Variants in DPP10 observed in about 807,000 individuals in gnomAD.
DPP10 encodes the protein dipeptidyl peptidase like 10.
A neutral mutation model predicts 120.9 loss-of-function variants in DPP10; 33 were observed. The observed-to-expected ratio is 0.27, with a 90% CI of 0.21 to 0.37. The LOEUF (loss-of-function observed/expected upper bound fraction) is 0.37, where lower values mean the gene tolerates loss of function less well. Among genes scored for constraint, DPP10 ranks in the 10% least tolerant of loss-of-function variants. The pLI, the probability that DPP10 is intolerant of heterozygous loss-of-function variation, is 1.00. For missense variants in DPP10, 816 were observed against 942.8 expected (o/e 0.87, Z 1.76); for synonymous variants, 337 against 326.1 (o/e 1.03, Z -0.36).
intron 1 of DPP10, among the ~76,000 whole-genome samples, chr2:114,938,535 G>A (rs1489497099): frequency 6.6e-6 from 1 of 152,044 alleles, no homozygotes; most frequent in Non-Finnish European, 1.5e-5. Context: ...TAGCAGCTTA[G>A]CAAAAATTCA....
intron 15 of DPP10, among the ~76,000 whole-genome samples, chr2:115,779,569 G>T (rs1338867051): frequency 6.6e-6 from 1 of 152,002 alleles, no homozygotes; most frequent in African/African-American, 2.4e-5. Context: ...TCTCCAGGGA[G>T]CTTGGATCTA....
chr2:114,583,849 G>T (rs1007845412), intron 1 of DPP10, among the ~76,000 whole-genome samples: 14 of 152,192 alleles, frequency 9.2e-5, no homozygotes, highest in African/African-American at 3.1e-4. Flanking sequence ...GATAGCATTT[G>T]GTTCCCTCCT....
At chr2:115,118,770 TG>T (rs2049665384) in intron 1 of DPP10, among the ~76,000 whole-genome samples, 1 of 151,084 alleles carries the variant, frequency 6.6e-6, no homozygotes, top group South Asian at 2.1e-4. Context: ...TGTGTGTGTG[TG>T]TGTGTGTGTG....
intron 21 of DPP10, among the ~76,000 whole-genome samples, chr2:115,824,433 C>T (rs891570545): frequency 2.6e-5 from 4 of 152,114 alleles, no homozygotes; most frequent in Admixed American, 6.6e-5. Context: ...TTAAGCCCTG[C>T]ATGCATTAGG....
Position 115,240,811 on chromosome 2 carries a change from T to A in DPP10, c.61-68428T>A, listed in dbSNP as rs184307122. On this transcript the variant is annotated intron_variant, in intron 1 of 25. Coordinates refer to ENST00000410059, the MANE Select transcript of DPP10 (RefSeq NM_020868.6). ...CAACAATCTTGTAAGATAATTTTAT[T>A]CTTTATAAGTCAAAACAAAATATTT... 1.5e-3 allele frequency among the ~76,000 whole-genome samples: 226 copies of A among 152,322 alleles called. 2 individuals carry two copies. The highest frequency in any genetic ancestry group is 3.4e-3 in the Middle Eastern group (1 of 294).
At chr2:114,482,243 A>G (rs1681125858) in intron 1 of DPP10, among the ~76,000 whole-genome samples, 1 of 152,168 alleles carries the variant, frequency 6.6e-6, no homozygotes, top group Admixed American at 6.6e-5. Context: ...AATGGAGAAC[A>G]CATTAGAGCT....
chr2:115,213,382 C>A (rs374161879), intron 1 of DPP10, among the ~76,000 whole-genome samples: 1 of 152,066 alleles, frequency 6.6e-6, no homozygotes, highest in Non-Finnish European at 1.5e-5. Flanking sequence ...CATATTTTTG[C>A]CCCATGTCAC....
At chr2:114,690,260 T>G (rs1017239748) in intron 1 of DPP10, among the ~76,000 whole-genome samples, 2 of 152,108 alleles carry the variant, frequency 1.3e-5, no homozygotes, top group African/African-American at 4.8e-5. Flanking sequence ...AATTTTTGTA[T>G]TCTGTGTAAG....
chr2:115,664,120 A>G (rs74641185), intron 5 of DPP10, among the ~76,000 whole-genome samples: 1,627 of 152,102 alleles, frequency 0.011, 36 homozygotes, highest in African/African-American at 0.038. Flanking sequence ...TCATTTTACT[A>G]GAATTTAAAT....
intron 1 of DPP10, among the ~76,000 whole-genome samples, chr2:115,303,835 T>G (rs550968156): frequency 6.6e-6 from 1 of 152,056 alleles, no homozygotes; most frequent in East Asian, 1.9e-4. Context: ...TTTAAGGAAA[T>G]TTAAATTGAA....
intron 1 of DPP10, among the ~76,000 whole-genome samples, chr2:115,199,847 G>C (rs1054124064): frequency 6.6e-6 from 1 of 152,034 alleles, no homozygotes; most frequent in Admixed American, 6.6e-5. Context: ...CTGAGTTGGA[G>C]CACATATCAA....
chr2:114,900,554 G>A (rs1367000411), intron 1 of DPP10, among the ~76,000 whole-genome samples: 5 of 152,140 alleles, frequency 3.3e-5, no homozygotes, highest in Non-Finnish European at 7.4e-5. Flanking sequence ...TGACTGGGTT[G>A]TTTGTCTTCT....
intron 3 of DPP10, among the ~76,000 whole-genome samples, chr2:115,388,751 T>C (rs1307767709): frequency 6.6e-6 from 1 of 152,188 alleles, no homozygotes; most frequent in East Asian, 1.9e-4. Context: ...TCATATTCAG[T>C]GCTCAGTGCA....
At chr2:115,367,052 T>C (rs990154146) in intron 3 of DPP10, among the ~76,000 whole-genome samples, 2 of 151,984 alleles carry the variant, frequency 1.3e-5, no homozygotes, top group Non-Finnish European at 2.9e-5. Flanking sequence ...TAATAGATAT[T>C]GTAAGAGAGA....
At chr2:115,670,201 A>G (rs921678482) in intron 5 of DPP10, among the ~76,000 whole-genome samples, 5 of 152,086 alleles carry the variant, frequency 3.3e-5, no homozygotes, top group Non-Finnish European at 7.4e-5. Context: ...TGATCTAATT[A>G]TCTCTCAAAG....
At chr2:115,207,707 A>G (rs1261308211) in intron 1 of DPP10, among the ~76,000 whole-genome samples, 1 of 152,216 alleles carries the variant, frequency 6.6e-6, no homozygotes, top group East Asian at 1.9e-4. Context: ...TAGGCGTGCA[A>G]GAAGTAGATT....
chr2:114,940,068 T>C (rs1696778264), intron 1 of DPP10, among the ~76,000 whole-genome samples: 1 of 152,214 alleles, frequency 6.6e-6, no homozygotes, highest in Non-Finnish European at 1.5e-5. Context: ...TTATGTATTC[T>C]GCCAACTTCT....
chr2:115,791,473 G>A (rs567882741), intron 19 of DPP10, 117 bp downstream of exon 19: 4 of 854,408 alleles, frequency 4.7e-6, no homozygotes, highest in African/African-American at 1.7e-5. Context: ...AGTTAATCAG[G>A]ACAGCTGTCT....
At chr2:115,132,290 T>C (rs1269786212) in intron 1 of DPP10, among the ~76,000 whole-genome samples, 1 of 152,058 alleles carries the variant, frequency 6.6e-6, no homozygotes, top group African/African-American at 2.4e-5. Flanking sequence ...GAATAGATGG[T>C]AAATGTGTCT....
Sources: gnomAD v4.1 joint callset for allele counts (sites outside exome capture counted in the v4.1 genomes callset) on GRCh38, gnomAD v4.1.1 for gene constraint, MANE v1.5 for transcripts, NCBI Gene and HGNC (gene_info 2026-07-23, HGNC 2026-07-21) for gene names.